Variants in GAS2L1 observed in about 807,000 individuals in gnomAD.
GAS2L1 encodes the protein growth arrest specific 2 like 1.
A neutral mutation model predicts 44.0 loss-of-function variants in GAS2L1; 26 were observed. The ratio of observed to expected loss-of-function variants is 0.59; its 90% confidence interval spans 0.43 to 0.82. GAS2L1 has a LOEUF of 0.82. GAS2L1 is among the 40% of genes least tolerant of loss of function. The pLI is 0.00. For synonymous variants in GAS2L1, 426 were observed against 415.9 expected, an observed-to-expected ratio of 1.02 and a Z score of -0.30; for missense variants, 1,006 against 983.0, an observed-to-expected ratio of 1.02 and a Z score of -0.31.
At chr22:29,308,099 TCCGGGCATGGCAGACCCAGTG>T (rs1389152567) in exon 1 of GAS2L1, 9 of 1,540,620 alleles carry the variant, frequency 5.8e-6, no homozygotes, top group Non-Finnish European at 7.9e-6. Context: ...ACTCGGCCGG[TCCGGGCATGGCAGACCCAGTG>T]GCGGGCATCG....
At chr22:29,311,640 C>T (rs1412881125) in exon 5 of GAS2L1, 5 of 1,535,266 alleles carry the variant, frequency 3.3e-6, no homozygotes, top group African/African-American at 2.7e-5. Context: ...CTCTCCGAGA[C>T]GGCCTCCTGC....
chr22:29,310,955 G>C, exon 4 of GAS2L1: 6 of 1,613,626 alleles, frequency 3.7e-6, no homozygotes, highest in Non-Finnish European at 5.1e-6. Context: ...GATGACTCCC[G>C]TTAGCTTACG....
exon 1 of GAS2L1, chr22:29,307,931 G>T: frequency 2.1e-6 from 1 of 469,758 alleles, no homozygotes; most frequent in Non-Finnish European, 3.7e-6. Flanking sequence ...CCATTTCGCA[G>T]ATGAGGAAAC....
chr22:29,310,577 C>A, intron 2 of GAS2L1, 31 bp downstream of exon 3: 1 of 1,585,568 alleles, frequency 6.3e-7, no homozygotes, highest in Non-Finnish European at 8.7e-7. Flanking sequence ...CAGCGGGCAG[C>A]AGCCAAGGTG....
chr22:29,307,082 C>G (rs556583465), exon 1 of GAS2L1: 1 of 151,928 alleles, frequency 6.6e-6, no homozygotes, highest in Admixed American at 6.6e-5. Context: ...CGGGCGGCGC[C>G]TCCCTGCGGC....
chr22:29,310,808 C>CT lies in GAS2L1; in HGVS notation c.839-18dup. 3 of 1,607,292 alleles carry CT rather than the reference C, an allele frequency of 1.9e-6. No individual in the cohort carries two copies. The highest frequency in any genetic ancestry group is 2.2e-5 in the East Asian group (1 of 44,854). On this transcript the variant is annotated intron_variant, in intron 3 of 4. Transcript: ENST00000618518. ...TGTGGCTCTGTCCCTCACATGCTGC[C>CT]TGTCCTCTCTCCCCGCAGCTCATCG... is the stretch of plus-strand genomic sequence containing the variant.
chr22:29,308,331 T>C, exon 1 of GAS2L1: 1 of 1,604,530 alleles, frequency 6.2e-7, no homozygotes, highest in Non-Finnish European at 8.5e-7. Context: ...TGCCCGTGCA[T>C]TGGCAGCCGC....
chr22:29,310,502 G>A (rs770337472), exon 2 of GAS2L1: 2 of 1,612,600 alleles, frequency 1.2e-6, no homozygotes, highest in Non-Finnish European at 1.7e-6. Flanking sequence ...GGTCTCAGAG[G>A]GGAAGTACCG....
rs768501433 is a variant in GAS2L1 at position 29,310,662 on chromosome 22, C to G, written c.766C>G (p.Arg256Gly). The change falls in exon 3 of 5, where the codon CGA becomes GGA. Residue 256 changes from arginine to glycine, a missense_variant. Transcript: ENST00000618518. ...GGTGCTGAGGAGCCACGTGATGGTG[C>G]GAGTGGGTGGTGGCTGGGACACGCT... 3.1e-6 allele frequency: 5 copies of G among 1,606,506 alleles called. No homozygotes were observed. In the African/African-American group the frequency reaches 5.3e-5, roughly 17 times the overall value.
At chr22:29,311,037 G>A (rs755178203) in intron 4 of GAS2L1, 39 bp downstream of exon 5, 1 of 1,574,146 alleles carries the variant, frequency 6.4e-7, no homozygotes, top group African/African-American at 1.3e-5. Context: ...GGTCCAGAGG[G>A]TGGGGGGGCG....
rs149833250 is a variant in GAS2L1, at chr22:29,308,279, G to A, written c.174G>A (p.Thr58=). ...ATGGCTTCCTGACAGGGCTGGCCAC[G>A]GGCACGACCCTGTGCCAACATGCCA... Residue 58 remains threonine (T), a synonymous_variant, in exon 1 of 5, where the codon ACG becomes ACA. Transcript: ENST00000618518. 6.3e-5 allele frequency: 101 copies of A among 1,608,060 alleles called. No homozygotes were observed. The African/African-American group carries it at 1.3e-3, about 20-fold the overall frequency.
exon 4 of GAS2L1, chr22:29,310,862 TCTC>T: frequency 6.2e-7 from 1 of 1,612,770 alleles, no homozygotes; most frequent in East Asian, 2.2e-5. Flanking sequence ...CTGCACCTTT[TCTC>T]CACAGAGGGT....
exon 5 of GAS2L1, chr22:29,312,450 G>A: frequency 8.5e-6 from 13 of 1,523,242 alleles, no homozygotes; most frequent in Non-Finnish European, 1.1e-5. Flanking sequence ...GACATGGCAT[G>A]CCCTGCACTC....
chr22:29,308,709 C>G (rs1403442920), exon 1 of GAS2L1: 11 of 1,500,106 alleles, frequency 7.3e-6, no homozygotes, highest in Admixed American at 2.2e-5. Context: ...CCGCATGACA[C>G]CCAGCGACCT....
chr22:29,307,993 G>A, exon 1 of GAS2L1: 1 of 837,330 alleles, frequency 1.2e-6, no homozygotes, highest in Non-Finnish European at 1.7e-6. Flanking sequence ...CATTTGGCCT[G>A]AGTGACAGAC....
chr22:29,312,607 G>A, exon 5 of GAS2L1: 1 of 739,696 alleles, frequency 1.4e-6, no homozygotes, highest in Non-Finnish European at 2.1e-6. Flanking sequence ...GACCTCATGG[G>A]ACCAGACCCC....
At chr22:29,311,465 C>T in exon 5 of GAS2L1, 1 of 1,323,860 alleles carries the variant, frequency 7.6e-7, no homozygotes, top group Non-Finnish European at 1.0e-6. Context: ...GCCCCAGGCC[C>T]CGGGATCAGC....
intron 1 of GAS2L1, 187 bp from the exon 3 acceptor site, chr22:29,310,252 A>AT (rs1255434649): frequency 1.1e-5 from 4 of 351,994 alleles, no homozygotes; most frequent in African/African-American, 6.5e-5. Flanking sequence ...CAAAAAAAAA[A>AT]AAAAATAAAA....
At chr22:29,309,810 G>A (rs2061384260) in intron 1 of GAS2L1, among the ~76,000 whole-genome samples, 2 of 152,216 alleles carry the variant, frequency 1.3e-5, no homozygotes, top group South Asian at 2.1e-4. Flanking sequence ...TCTGAGAAGT[G>A]GGTGAAGCGG....
Sources: allele counts gnomAD v4.1 joint callset (sites outside exome capture counted in the v4.1 genomes callset), GRCh38; gene constraint gnomAD v4.1.1; transcripts MANE v1.5; gene names NCBI Gene and HGNC (gene_info 2026-07-23, HGNC 2026-07-21).